The following SMCHD1 variants were observed in gnomAD, a reference collection of about 807,000 sequenced individuals.
The protein encoded by SMCHD1 is structural maintenance of chromosomes flexible hinge domain-containing protein 1.
SMCHD1 carries 78 observed loss-of-function variants against 254.7 expected under a neutral mutation model. The observed-to-expected ratio is 0.31, with a 90% CI of 0.26 to 0.37. The LOEUF is 0.37. Ranked by LOEUF, SMCHD1 falls within the 10% of genes least tolerant of loss-of-function variation. The pLI is 1.00. For synonymous variants in SMCHD1, 766 were observed against 794.9 expected (o/e 0.96, Z 0.61); for missense variants, 1,840 against 2,408.1 (o/e 0.76, Z 4.94).
At chr18:2,786,684 C>T (rs1323457115) in intron 45 of SMCHD1, among the ~76,000 whole-genome samples, 1 of 152,062 alleles carries the variant, frequency 6.6e-6, no homozygotes, top group Non-Finnish European at 1.5e-5. Context: ...AAGAGCAAAA[C>T]TCCATATAAA....
At chr18:2,779,032 T>C (rs2076112641) in intron 44 of SMCHD1, 1 of 152,218 alleles carries the variant, frequency 6.6e-6, no homozygotes, top group African/African-American at 2.4e-5. Flanking sequence ...CCTCCCCTTC[T>C]TACTAGTCTA....
intron 5 of SMCHD1, among the ~76,000 whole-genome samples, chr18:2,682,847 A>T (rs1196366333): frequency 6.6e-6 from 1 of 152,142 alleles, no homozygotes; most frequent in Non-Finnish European, 1.5e-5. Flanking sequence ...TTCTACTTTT[A>T]TTTATATTCA....
chr18:2,768,752 A>C (rs2143729291), intron 37 of SMCHD1, among the ~76,000 whole-genome samples: 1 of 135,454 alleles, frequency 7.4e-6, no homozygotes, highest in African/African-American at 2.6e-5. Flanking sequence ...ATTCACATGA[A>C]TTGATCAAAT....
At chr18:2,669,204 G>C (rs2073527463) in intron 3 of SMCHD1, among the ~76,000 whole-genome samples, 1 of 152,040 alleles carries the variant, frequency 6.6e-6, no homozygotes, top group Non-Finnish European at 1.5e-5. Context: ...GGAATTATTT[G>C]GACATTTTGG....
In SMCHD1 at chr18:2,722,589, C is replaced by T. The variant is rs761184318; in HGVS notation, c.2529C>T (p.Ile843=). The T allele has an allele frequency of 7.4e-6, 12 of 1,612,752 alleles. No individual in the cohort carries two copies. The highest frequency in any genetic ancestry group is 9.3e-6 in the Non-Finnish European group (11 of 1,179,238). ...LPFRVGVPFN[I]PLEFQDEFGH... is the part of the protein sequence containing the mutation. ...TTCGTGTTGGAGTTCCATTTAATAT[C>T]CCTCTGGAGTTTCAGGATGAATTTG... Residue 843 remains isoleucine (I), a synonymous_variant, in exon 20 of 48, where the codon ATC becomes ATT. Coordinates refer to ENST00000320876, the MANE Select transcript of SMCHD1 (RefSeq NM_015295.3).
chr18:2,743,754 T>C lies in SMCHD1; in HGVS notation c.3634-7T>C. 1 of 1,580,784 alleles carries C rather than the reference T, an allele frequency of 6.3e-7. No homozygotes were observed. Among genetic ancestry groups the C allele is most frequent in the Non-Finnish European group, 8.6e-7 (1 of 1,161,438 alleles). ...CCTGTCTTTCTCAATGTACTTTTCC[T>C]CACTAGGAAAACACACAGAGTATAA... On this transcript the variant is annotated splice_region_variant and splice_polypyrimidine_tract_variant and intron_variant, in intron 28 of 47. Transcript: ENST00000320876.
At chr18:2,743,299 A>C (rs2075385743) in intron 28 of SMCHD1, among the ~76,000 whole-genome samples, 1 of 152,198 alleles carries the variant, frequency 6.6e-6, no homozygotes, top group African/African-American at 2.4e-5. Context: ...AAGAAATAAG[A>C]GGTAAGAAAA....
At chr18:2,739,573 T>C in intron 27 of SMCHD1, 53 bp downstream of exon 27, 4 of 1,409,722 alleles carry the variant, frequency 2.8e-6, no homozygotes, top group Non-Finnish European at 4.0e-6. Context: ...TCTGTGATGT[T>C]TCCTTCCATG....
chr18:2,802,561 A>T lies in SMCHD1; in HGVS notation c.*9A>T, dbSNP rs1448212010. 14 of 1,551,978 alleles carry T rather than the reference A, an allele frequency of 9.0e-6. 1 individual carries two copies. The South Asian group carries it at 1.7e-4, about 19-fold the overall frequency. The stretch of plus-strand genomic sequence containing the variant: ...CCAAAACAGATGTATGAGAGGTGAC[A>T]GAGAGAAGAGGCCATTGGTCTCAGT... On this transcript the variant is annotated 3_prime_UTR_variant, in exon 48 of 48. Coordinates refer to ENST00000320876, the MANE Select transcript of SMCHD1 (RefSeq NM_015295.3).
intron 25 of SMCHD1, among the ~76,000 whole-genome samples, chr18:2,737,662 T>C (rs1019026172): frequency 1.3e-5 from 2 of 152,116 alleles, no homozygotes; most frequent in African/African-American, 2.4e-5. Context: ...CAGTGAGCTA[T>C]GATCATTGCA....
chr18:2,743,778 A>G lies in SMCHD1; in HGVS notation c.3651A>G (p.Ile1217Met), dbSNP rs1229537807. 1.2e-6 allele frequency: 2 copies of G among 1,611,188 alleles called. No individual in the cohort carries two copies. The highest frequency in any genetic ancestry group is 1.7e-6 in the Non-Finnish European group (2 of 1,178,464). Residue 1217 changes from isoleucine to methionine, a missense_variant, in exon 29 of 48, where the codon ATA (isoleucine) becomes ATG (methionine). By Grantham distance (10) the Ile-to-Met change is conservative. Around this residue, in one of 9 missense-constraint regions of SMCHD1, gnomAD observed 881 missense variants for 1,009.5 expected, o/e 0.87. Coordinates refer to ENST00000320876, the MANE Select transcript of SMCHD1 (RefSeq NM_015295.3). ...KTTFQENTQS[I>M]SVRGIKFIPG... Reference sequence around the variant, plus strand: ...CTCACTAGGAAAACACACAGAGTATAAGTGTAAGAGGCATCAAATTTATTC... The same window carrying G: ...CTCACTAGGAAAACACACAGAGTATGAGTGTAAGAGGCATCAAATTTATTC...
intron 44 of SMCHD1, among the ~76,000 whole-genome samples, chr18:2,782,267 G>A (rs1295810882): frequency 6.6e-6 from 1 of 152,136 alleles, no homozygotes; most frequent in Non-Finnish European, 1.5e-5. Context: ...TGTCCTAATA[G>A]TGTACTTAGT....
Position 2,722,520 on chromosome 18 carries a change from G to A in SMCHD1, c.2460G>A (p.Glu820=), listed in dbSNP as rs755262712. 1.2e-6 allele frequency: 2 copies of A among 1,611,324 alleles called. No homozygotes were observed. The highest frequency in any genetic ancestry group is 1.7e-6 in the Non-Finnish European group (2 of 1,178,918). ...PSKAIKFSVK[E]GKPEKFSFGL... ...ATTTCATTTTTGTTTTTGTTAAAGA[G>A]GGTAAGCCAGAGAAATTTTCATTTG... The change falls in exon 20 of 48, where the codon GAG becomes GAA. Residue 820 remains glutamate (E), a splice_region_variant and synonymous_variant. Transcript: ENST00000320876.
chr18:2,748,380 G>GTTTGTGTATATA, intron 30 of SMCHD1, among the ~76,000 whole-genome samples: 1 of 80,248 alleles, frequency 1.2e-5, no homozygotes, highest in Non-Finnish European at 2.2e-5. Flanking sequence ...GTGTGTGTGT[G>GTTTGTGTATATA]TGTATATAAA....
chr18:2,673,121 G>T, intron 3 of SMCHD1, 160 bp from the exon 4 acceptor site: 1 of 985,362 alleles, frequency 1.0e-6, no homozygotes, highest in South Asian at 4.7e-5. Flanking sequence ...GTGGTGATTG[G>T]TGATGATGCC....
chr18:2,718,566 C>T lies in SMCHD1; in HGVS notation c.2458+132C>T. ...ATCTCGATTTTATTTTATTTTCTTA[C>T]TTACTTTGAGATGGGGTCTCATTCT... On this transcript the variant is annotated intron_variant, in intron 19 of 47. Coordinates refer to ENST00000320876, the MANE Select transcript of SMCHD1 (RefSeq NM_015295.3). The surrounding 1 kb of genome is among the most constrained non-coding windows in gnomAD (Gnocchi z 4.6). The T allele has an allele frequency of 1.2e-6, 1 of 800,514 alleles. No homozygotes were observed. The highest frequency in any genetic ancestry group is 1.8e-6 in the Non-Finnish European group (1 of 546,526). 49.6% of individuals were successfully genotyped at this position (800,514 alleles called of 1,614,324 possible). A position where few individuals can be genotyped will look rare whatever the true frequency, so the allele number is the denominator to read the frequency against.
chr18:2,738,563 A>G lies in SMCHD1; in HGVS notation c.3425+18A>G, dbSNP rs2075292928. The G allele has an allele frequency of 1.3e-6, 2 of 1,590,922 alleles. No individual in the cohort carries two copies. The highest frequency in any genetic ancestry group is 1.7e-6 in the Non-Finnish European group (2 of 1,169,004). ...ACAGTAAGGTTTGTGGACTCATTAT[A>G]TTTTGCAGCCTATGGCAACAAAATA... On this transcript the variant is annotated intron_variant, in intron 26 of 47. Coordinates refer to ENST00000320876, the MANE Select transcript of SMCHD1 (RefSeq NM_015295.3).
At chr18:2,666,842 C>T (rs372408147) in intron 2 of SMCHD1, 28 bp from the exon 3 acceptor site, 36 of 1,582,838 alleles carry the variant, frequency 2.3e-5, no homozygotes, top group Non-Finnish European at 3.1e-5. Context: ...GCTGACCTAG[C>T]ACTTATGATT....
At chr18:2,673,146 T>C (rs2073657269) in intron 3 of SMCHD1, 135 bp from the exon 4 acceptor site, 8 of 1,330,038 alleles carry the variant, frequency 6.0e-6, no homozygotes, top group Non-Finnish European at 7.8e-6. Flanking sequence ...TTATGTATTA[T>C]ATCATTAGGA....
Sources: allele counts gnomAD v4.1 joint callset (sites outside exome capture counted in the v4.1 genomes callset), GRCh38; gene constraint gnomAD v4.1.1; regional missense constraint gnomAD v4.1.1; non-coding constraint Gnocchi (gnomAD v3.1); transcripts MANE v1.5; gene names NCBI Gene and HGNC (gene_info 2026-07-23, HGNC 2026-07-21).